JMJD1C: variants seen among roughly 807,000 people sequenced by gnomAD.
JMJD1C encodes the protein jumonji domain containing 1C.
In JMJD1C, 31 loss-of-function variants were observed where a neutral mutation model predicts 245.3. The ratio of observed to expected loss-of-function variants is 0.13; its 90% CI spans 0.09 to 0.17. The LOEUF is 0.17. JMJD1C is among the 10% of genes least tolerant of loss of function. The probability of loss-of-function intolerance (pLI) is 1.00; values close to 1 mark genes in which losing one functional copy is unlikely to be tolerated. For missense variants in JMJD1C, 2,691 were observed against 3,000.2 expected (o/e 0.90, Z 2.41); for synonymous variants, 1,057 against 1,017.4 (o/e 1.04, Z -0.74).
intron 2 of JMJD1C, among the ~76,000 whole-genome samples, chr10:63,338,940 C>T (rs769057609): frequency 2.0e-5 from 3 of 152,190 alleles, no homozygotes; most frequent in Non-Finnish European, 4.4e-5. Flanking sequence ...TCGTGAGCCA[C>T]TGCACCCAGC....
chr10:63,210,348 T>C (rs1847174187), intron 8 of JMJD1C, among the ~76,000 whole-genome samples: 1 of 152,174 alleles, frequency 6.6e-6, no homozygotes, highest in African/African-American at 2.4e-5. Flanking sequence ...GATATTTTTA[T>C]TTTTCCTCAA....
chr10:63,504,196 T>C (rs1364669410), intron 1 of JMJD1C, among the ~76,000 whole-genome samples: 1 of 152,218 alleles, frequency 6.6e-6, no homozygotes, highest in African/African-American at 2.4e-5. Context: ...GAGGATGTTA[T>C]ATAGGAGATA....
At chr10:63,230,927 T>C (rs181791358) in intron 3 of JMJD1C, among the ~76,000 whole-genome samples, 9 of 152,358 alleles carry the variant, frequency 5.9e-5, no homozygotes, top group Non-Finnish European at 1.0e-4. Flanking sequence ...TGAGTCTGTA[T>C]TGTCAATTTT....
In JMJD1C at chr10:63,521,498, C is replaced by G. The variant is rs1454857210; in HGVS notation, n.113+240G>C. 9.0e-6 allele frequency: 12 copies of G among 1,331,190 alleles called. No homozygotes were observed. The Admixed American group carries it at 1.2e-4, about 13-fold the overall frequency. The allele number at this position is 1,331,190 out of a possible 1,614,324, so 82.5% of individuals were successfully genotyped here. ...CTGCCGTTGGCGGCCTGGTCCGCAG[C>G]GCCCTGCGCCCACCCGCCCCGGACG... On this transcript the variant is annotated intron_variant and non_coding_transcript_variant, in intron 1 of 3. Coordinates refer to the JMJD1C transcript ENST00000633035.
chr10:63,423,137 G>A (rs1337872943), intron 1 of JMJD1C, among the ~76,000 whole-genome samples: 3 of 151,930 alleles, frequency 2.0e-5, no homozygotes, highest in African/African-American at 7.2e-5. Flanking sequence ...GCTAATTTTT[G>A]TATTTTTCAT....
intron 3 of JMJD1C, among the ~76,000 whole-genome samples, chr10:63,248,520 CAATA>C (rs1366743055): frequency 3.0e-5 from 1 of 33,604 alleles, no homozygotes; most frequent in Non-Finnish European, 7.2e-5. Flanking sequence ...GACCTCATCT[CAATA>C]GATAGATAAA....
At chr10:63,197,622 T>C (rs1263332152) in intron 12 of JMJD1C, 59 bp from the exon 13 acceptor site, 2 of 1,427,208 alleles carry the variant, frequency 1.4e-6, no homozygotes, top group Non-Finnish European at 1.9e-6. Flanking sequence ...CAAGGCAATT[T>C]TGGCTGAAAT....
chr10:63,238,209 G>A (rs1051636046), intron 3 of JMJD1C, among the ~76,000 whole-genome samples: 5 of 126,558 alleles, frequency 4.0e-5, no homozygotes, highest in East Asian at 4.8e-4. Flanking sequence ...AAAAAGGAAG[G>A]AAGCTATAAC....
chr10:63,213,248 C>A, intron 8 of JMJD1C, among the ~76,000 whole-genome samples: 1 of 150,312 alleles, frequency 6.7e-6, no homozygotes, highest in Admixed American at 6.6e-5. Context: ...ATAAATATTA[C>A]AATCTAAAAA....
chr10:63,198,256 T>A (rs1227579677), intron 12 of JMJD1C, among the ~76,000 whole-genome samples: 1 of 152,190 alleles, frequency 6.6e-6, no homozygotes, highest in Non-Finnish European at 1.5e-5. Flanking sequence ...ATTTCTAAAG[T>A]GGGTTTAACA....
intron 1 of JMJD1C, among the ~76,000 whole-genome samples, chr10:63,407,122 AG>A (rs1205212453): frequency 2.6e-5 from 4 of 152,212 alleles, no homozygotes; most frequent in African/African-American, 9.7e-5. Context: ...TAGGGCTAAC[AG>A]GAAGACTGAC....
intron 2 of JMJD1C, among the ~76,000 whole-genome samples, chr10:63,349,169 C>T (rs1944123174): frequency 1.4e-5 from 2 of 147,946 alleles, no homozygotes; most frequent in Admixed American, 6.7e-5. Context: ...CTTTGCCTTC[C>T]ACTATAAAAG....
chr10:63,484,343 A>G (rs1360881375), intron 1 of JMJD1C, among the ~76,000 whole-genome samples: 1 of 152,216 alleles, frequency 6.6e-6, no homozygotes. Context: ...AAGAACCACC[A>G]TTTCAAAAAC....
intron 2 of JMJD1C, among the ~76,000 whole-genome samples, chr10:63,265,688 TAAAA>T (rs201942232): frequency 6.6e-6 from 1 of 152,118 alleles, no homozygotes; most frequent in Non-Finnish European, 1.5e-5. Flanking sequence ...TGCTTTACTA[TAAAA>T]AAATTTTTTA....
At chr10:63,500,746 A>AAGGATGGATGGATGGAT (rs1954524044) in intron 1 of JMJD1C, among the ~76,000 whole-genome samples, 15 of 112,210 alleles carry the variant, frequency 1.3e-4, no homozygotes, top group African/African-American at 2.7e-4. Context: ...GATGGATGGA[A>AAGGATGGATGGATGGAT]GGATGGATGG....
chr10:63,521,504 G>T (rs1382660124), intron 1 of JMJD1C: 3 of 1,381,696 alleles, frequency 2.2e-6, no homozygotes, highest in Admixed American at 2.7e-5. Flanking sequence ...GCAGCGCCCT[G>T]CGCCCACCCG....
chr10:63,282,374 G>T (rs1020451515), intron 2 of JMJD1C, among the ~76,000 whole-genome samples: 1 of 152,124 alleles, frequency 6.6e-6, no homozygotes, highest in African/African-American at 2.4e-5. Flanking sequence ...TTCAAAACAT[G>T]GTAAAGTAAT....
At chr10:63,448,718 T>C (rs911654445) in intron 1 of JMJD1C, among the ~76,000 whole-genome samples, 16 of 152,218 alleles carry the variant, frequency 1.1e-4, no homozygotes, top group African/African-American at 1.4e-4. Context: ...TTGAAGTCTA[T>C]TGCAGAGAAT....
At chr10:63,225,376 A>C (rs1461715713) in intron 3 of JMJD1C, among the ~76,000 whole-genome samples, 2 of 152,218 alleles carry the variant, frequency 1.3e-5, no homozygotes, top group Non-Finnish European at 2.9e-5. Context: ...AAAACATCTT[A>C]AATGAGGTTT....
Sources: allele counts gnomAD v4.1 joint callset (sites outside exome capture counted in the v4.1 genomes callset), GRCh38; gene constraint gnomAD v4.1.1; transcripts MANE v1.5; gene names NCBI Gene and HGNC (gene_info 2026-07-23, HGNC 2026-07-21).